Variants in LRRC8A observed in about 807,000 individuals in gnomAD.
LRRC8A encodes leucine rich repeat containing 8 VRAC subunit A, also known as volume-regulated anion channel subunit LRRC8A.
A neutral mutation model predicts 52.5 loss-of-function variants in LRRC8A; 24 were observed. The observed-to-expected ratio is 0.46, with a 90% CI of 0.33 to 0.64. The LOEUF is 0.64. Ranked by LOEUF, LRRC8A falls within the 30% of genes least tolerant of loss-of-function variation. The pLI is 0.02. For synonymous variants in LRRC8A, 492 were observed against 494.2 expected (o/e 1.00, Z 0.06); for missense variants, 677 against 1,094.7 (o/e 0.62, Z 5.38).
chr9:128,904,930 G>A (rs1363272630), intron 2 of LRRC8A, among the ~76,000 whole-genome samples: 1 of 150,856 alleles, frequency 6.6e-6, no homozygotes. Context: ...TCTGGGAGGC[G>A]GAGCTTGCAG....
Position 128,907,950 on chromosome 9 carries a change from C to A in LRRC8A, c.786C>A (p.Arg262=), listed in dbSNP as rs375555407. 4 of 1,613,994 alleles carry A rather than the reference C, an allele frequency of 2.5e-6. No individual in the cohort carries two copies. Among genetic ancestry groups the A allele is most frequent in the Non-Finnish European group, 2.5e-6 (3 of 1,180,036 alleles). Residue 262 remains arginine (R), a synonymous_variant, in exon 3 of 4, where the codon CGC becomes CGA. Coordinates refer to ENST00000372600, the MANE Select transcript of LRRC8A (RefSeq NM_019594.4). This position sits in a 1 kb window ranked among gnomAD's most constrained non-coding sequence, Gnocchi z 9.3. ...THVEEGDIVY[R]LYMRQTIIKV... The stretch of plus-strand genomic sequence containing the variant: ...TGGAGGAGGGGGACATTGTGTACCG[C>A]CTCTACATGCGGCAGACCATCATCA...
chr9:128,903,637 TCTC>T (rs1840119706), intron 2 of LRRC8A, among the ~76,000 whole-genome samples: 1 of 151,732 alleles, frequency 6.6e-6, no homozygotes, highest in South Asian at 2.1e-4. Flanking sequence ...ATGGTCTCGA[TCTC>T]CTGACCTCGT....
rs769732618 is a variant in LRRC8A, at chr9:128,908,319, C to G, written c.1155C>G (p.Leu385=). The G allele has an allele frequency of 1.2e-6, 2 of 1,614,022 alleles. No individual in the cohort carries two copies. Among genetic ancestry groups the G allele is most frequent in the African/African-American group, 2.7e-5 (2 of 74,948 alleles). ...MLHLIDQYDP[L]YSKRFAVFLS... is the part of the protein sequence containing the mutation. ...ACCTCATTGACCAATACGACCCGCT[C>G]TACTCCAAGCGCTTCGCCGTCTTCC... Residue 385 remains leucine (L), a synonymous_variant, in exon 3 of 4, where the codon CTC becomes CTG. Transcript: ENST00000372600.
At chr9:128,910,950 C>T (rs574652948) in intron 3 of LRRC8A, among the ~76,000 whole-genome samples, 2 of 152,176 alleles carry the variant, frequency 1.3e-5, no homozygotes, top group South Asian at 2.1e-4. Context: ...CTGTTGGTTT[C>T]GTGGGCACCT....
At chr9:128,882,787 A>G in intron 1 of LRRC8A, 1 of 398,410 alleles carries the variant, frequency 2.5e-6, no homozygotes, top group East Asian at 3.6e-5. Context: ...CCTTTCTGGG[A>G]TGGGATATTT....
intron 2 of LRRC8A, among the ~76,000 whole-genome samples, chr9:128,906,701 G>A (rs1324758893): frequency 1.3e-5 from 2 of 152,130 alleles, no homozygotes; most frequent in Non-Finnish European, 2.9e-5. Context: ...CATATTTTGC[G>A]GGAATCCCTC....
Position 128,899,256 on chromosome 9 carries a change from A to G in LRRC8A, c.-8-7901A>G, listed in dbSNP as rs1839937112. On this transcript the variant is annotated intron_variant, in intron 2 of 3. Transcript: ENST00000372600. The surrounding 1 kb of genome is among the most constrained non-coding windows in gnomAD (Gnocchi z 4.0). ...GACGCAGTGCCAGCTGAGAGGGCCG[A>G]GCACAGGGAGGATAAGCAAGGGCAC... is the stretch of plus-strand genomic sequence containing the variant. Among the ~76,000 whole-genome samples the G allele has an allele frequency of 6.6e-6, 1 of 152,222 alleles. No individual in the cohort carries two copies. Among genetic ancestry groups the G allele is most frequent in the African/African-American group, 2.4e-5 (1 of 41,458 alleles).
At position 128,908,103 on chromosome 9, in the gene LRRC8A, C is replaced by G. The variant is rs369898214; in HGVS notation, c.939C>G (p.Pro313=). 636 of 1,613,992 alleles carry G rather than the reference C, an allele frequency of 3.9e-4. 1 individual carries two copies. Among genetic ancestry groups the G allele is most frequent in the Non-Finnish European group, 4.1e-4 (485 of 1,180,024 alleles). Residue 313 remains proline (P), a synonymous_variant, in exon 3 of 4, where the codon CCC becomes CCG. Transcript: ENST00000372600. ...TGYRTYRCAH[P]LATLFKILAS... ...ACCGCACCTACCGCTGTGCCCACCC[C>G]CTGGCCACACTCTTCAAGATCCTGG...
intron 3 of LRRC8A, among the ~76,000 whole-genome samples, chr9:128,913,058 A>G (rs1006662676): frequency 1.3e-5 from 2 of 152,140 alleles, no homozygotes; most frequent in Non-Finnish European, 2.9e-5. Context: ...TTCCAGGCTC[A>G]TGGGTGAAGA....
In LRRC8A at chr9:128,902,212, C is replaced by T. The variant is rs1009042499; in HGVS notation, c.-8-4945C>T. 6.6e-6 allele frequency among the ~76,000 whole-genome samples: 1 copy of T among 151,988 alleles called. No individual in the cohort carries two copies. Among genetic ancestry groups the T allele is most frequent in the East Asian group, 1.9e-4 (1 of 5,186 alleles). On this transcript the variant is annotated intron_variant, in intron 2 of 3. Coordinates refer to ENST00000372600, the MANE Select transcript of LRRC8A (RefSeq NM_019594.4). This position sits in a 1 kb window ranked among gnomAD's most constrained non-coding sequence, Gnocchi z 4.1. ...GTCCCACCTTGATCATTTTTTTTTA[C>T]CCCCGCTGGACCTAGCCAAGGGCTG...
Position 128,917,094 on chromosome 9 carries a change from G to C in LRRC8A, c.*723G>C. The C allele has an allele frequency of 6.7e-6, 1 of 150,222 alleles. No individual in the cohort carries two copies. Among genetic ancestry groups the C allele is most frequent in the Non-Finnish European group, 1.5e-5 (1 of 67,604 alleles). 9.3% of individuals were successfully genotyped at this position (150,222 alleles called of 1,614,324 possible). On this transcript the variant is annotated 3_prime_UTR_variant, in exon 4 of 4. Transcript: ENST00000372600. ...AAAAGCTTTGAAAATGGATGGTTTG[G>C]GTATTAAAAAGAAAAAAAAAACTTA...
intron 1 of LRRC8A, 67 bp downstream of exon 1, chr9:128,882,317 C>A (rs758013477): frequency 6.1e-5 from 10 of 164,884 alleles, no homozygotes; most frequent in Non-Finnish European, 1.2e-4. Context: ...CACACGCCCT[C>A]GGCCAGCTGC....
At position 128,908,201 on chromosome 9, in the gene LRRC8A, G is replaced by A. The variant is rs1367994080; in HGVS notation, c.1037G>A (p.Arg346His). Residue 346 changes from arginine (R) to histidine (H), a missense_variant, in exon 3 of 4, where the codon CGC (arginine) becomes CAC (histidine). Physicochemically the swap from Arg to His is conservative, Grantham distance 29. This residue lies in a region of LRRC8A where 422 missense variants were observed against 741.5 expected (regional missense o/e 0.57). Coordinates refer to ENST00000372600, the MANE Select transcript of LRRC8A (RefSeq NM_019594.4). Reference protein sequence around the residue: ...CMYTLWWMLRRSLKKYSFESI... With the variant: ...CMYTLWWMLRHSLKKYSFESI... ...TATACACTGTGGTGGATGCTACGGCGCTCCCTCAAGAAGTACTCGTTTGAG... is the reference window on the plus strand; with the variant it reads ...TATACACTGTGGTGGATGCTACGGCACTCCCTCAAGAAGTACTCGTTTGAG... The A allele has an allele frequency of 2.5e-6, 4 of 1,613,934 alleles. No individual in the cohort carries two copies. The highest frequency in any genetic ancestry group is 1.7e-5 in the Admixed American group (1 of 60,004).
rs950349681 is a variant in LRRC8A, at chr9:128,899,684, T to A, written c.-8-7473T>A. On this transcript the variant is annotated intron_variant, in intron 2 of 3. Transcript: ENST00000372600. The surrounding 1 kb of genome is among the most constrained non-coding windows in gnomAD (Gnocchi z 4.0). Reference sequence around the variant, plus strand: ...ACCTTATGATTCCACTTACATGAGGTCCCTAGAGAAGTCAGATTGACAGAG... The same window carrying A: ...ACCTTATGATTCCACTTACATGAGGACCCTAGAGAAGTCAGATTGACAGAG... 4.6e-5 allele frequency among the ~76,000 whole-genome samples: 7 copies of A among 151,810 alleles called. No individual in the cohort carries two copies. The highest frequency in any genetic ancestry group is 1.7e-4 in the African/African-American group (7 of 41,328).
At chr9:128,882,656 C>T (rs572919654) in intron 1 of LRRC8A, 14 of 399,054 alleles carry the variant, frequency 3.5e-5, no homozygotes, top group Admixed American at 8.8e-5. Flanking sequence ...TCAAAGATTT[C>T]CTTAGCTGTC....
intron 2 of LRRC8A, among the ~76,000 whole-genome samples, chr9:128,905,737 G>A (rs1165027525): frequency 6.6e-6 from 1 of 152,058 alleles, no homozygotes; most frequent in East Asian, 1.9e-4. Context: ...CCAGCTACTC[G>A]GGAGGCTGAG....
At chr9:128,890,167 T>TGTGTGTGTGTGTGTGTGC (rs1554821412) in intron 2 of LRRC8A, among the ~76,000 whole-genome samples, 2 of 151,086 alleles carry the variant, frequency 1.3e-5, no homozygotes, top group Admixed American at 1.3e-4. Context: ...TGTGTGTGTG[T>TGTGTGTGTGTGTGTGTGC]GTGCTGGGAA....
chr9:128,903,587 GTA>G (rs1840115872), intron 2 of LRRC8A, among the ~76,000 whole-genome samples: 1 of 151,684 alleles, frequency 6.6e-6, no homozygotes, highest in Non-Finnish European at 1.5e-5. Flanking sequence ...TAATTTTTTT[GTA>G]TTTTTAGTAG....
At chr9:128,914,530 A>G (rs1840719983) in intron 3 of LRRC8A, among the ~76,000 whole-genome samples, 1 of 152,158 alleles carries the variant, frequency 6.6e-6, no homozygotes, top group African/African-American at 2.4e-5. Flanking sequence ...GAGTGGGAGG[A>G]AATAAGACGT....
Sources: gnomAD v4.1 joint callset for allele counts (sites outside exome capture counted in the v4.1 genomes callset) on GRCh38, gnomAD v4.1.1 for gene constraint, gnomAD v4.1.1 regional missense constraint, Gnocchi (gnomAD v3.1) non-coding constraint, MANE v1.5 for transcripts, NCBI Gene and HGNC (gene_info 2026-07-23, HGNC 2026-07-21) for gene names.